Variants in ADGRB3 observed in about 807,000 individuals in gnomAD.
ADGRB3 encodes brain-specific angiogenesis inhibitor 3.
In ADGRB3, 37 loss-of-function variants were observed where a neutral mutation model predicts 193.4. That is an observed-to-expected ratio of 0.19 (90% confidence interval 0.15 to 0.25). The LOEUF (loss-of-function observed/expected upper bound fraction) is 0.25, where lower values mean the gene tolerates loss of function less well. Among genes scored for constraint, ADGRB3 ranks in the 10% least tolerant of loss-of-function variants. ADGRB3 has a pLI of 1.00. For missense variants in ADGRB3, 1,637 were observed against 1,852.9 expected (o/e 0.88, Z 2.14); for synonymous variants, 690 against 644.2 (o/e 1.07, Z -1.08).
In ADGRB3 at chr6:69,361,039, T is replaced by C. The variant is rs375380152; in HGVS notation, c.3766T>C (p.Leu1256=). The C allele has an allele frequency of 1.7e-5, 28 of 1,612,722 alleles. 1 individual carries two copies. In the African/African-American group the frequency reaches 1.9e-4, roughly 11 times the overall value. ...SKVIIQQPTG[L]HMPMSMNELS... Reference sequence around the variant, plus strand: ...AGTCATCATCCAGCAACCCACAGGTTTGCACATGCCCATGAGTATGAATGA... The same window carrying C: ...AGTCATCATCCAGCAACCCACAGGTCTGCACATGCCCATGAGTATGAATGA... The change falls in exon 29 of 32, where the codon TTG becomes CTG. Residue 1256 remains leucine, a synonymous_variant. Coordinates refer to ENST00000370598, the MANE Select transcript of ADGRB3 (RefSeq NM_001704.3).
intron 3 of ADGRB3, among the ~76,000 whole-genome samples, chr6:68,792,206 C>T (rs1767120299): frequency 6.6e-6 from 1 of 152,144 alleles, no homozygotes; most frequent in African/African-American, 2.4e-5. Flanking sequence ...ATGAATTCTG[C>T]AATTCATAAA....
chr6:68,972,966 T>C (rs1319014736), intron 8 of ADGRB3, among the ~76,000 whole-genome samples: 1 of 152,116 alleles, frequency 6.6e-6, no homozygotes, highest in Admixed American at 6.5e-5. Flanking sequence ...ATTGGTAAGG[T>C]TAGGAGGAGA....
chr6:68,636,797 A>G (rs1478346861), intron 1 of ADGRB3, among the ~76,000 whole-genome samples: 1 of 152,172 alleles, frequency 6.6e-6, no homozygotes, highest in Non-Finnish European at 1.5e-5. Context: ...TTCATTAGGA[A>G]AAGACATACG....
At chr6:69,143,745 CTGT>C (rs1774405206) in intron 17 of ADGRB3, among the ~76,000 whole-genome samples, 1 of 152,074 alleles carries the variant, frequency 6.6e-6, no homozygotes, top group Non-Finnish European at 1.5e-5. Flanking sequence ...GTTTATGTGT[CTGT>C]TTTAATACCA....
chr6:69,124,800 T>A (rs1249736865), intron 17 of ADGRB3, among the ~76,000 whole-genome samples: 1 of 152,202 alleles, frequency 6.6e-6, no homozygotes. Flanking sequence ...AAATGTGAAG[T>A]TCTTTTCTTC....
intron 3 of ADGRB3, among the ~76,000 whole-genome samples, chr6:68,884,873 G>A (rs2150226367): frequency 6.6e-6 from 1 of 152,236 alleles, no homozygotes; most frequent in South Asian, 2.1e-4. Context: ...TCTTGAAAAT[G>A]TTTTTTAAAA....
rs544681416 is a variant in ADGRB3 at position 69,053,310 on chromosome 6, A to T, written c.2333+3964A>T. Among the ~76,000 whole-genome samples the T allele has an allele frequency of 3.3e-5, 5 of 152,310 alleles. No homozygotes were observed. In the East Asian group the frequency reaches 9.6e-4, roughly 29 times the overall value. ...TTATCGCTTAGGTGACCTGCCTAAG[A>T]TTATATGTCCATTAGGTAACTGAGT... On this transcript the variant is annotated intron_variant, in intron 15 of 31. Coordinates refer to ENST00000370598, the MANE Select transcript of ADGRB3 (RefSeq NM_001704.3).
chr6:69,043,290 G>GAAAGAAAGAAAGAA (rs1554252052), intron 13 of ADGRB3, among the ~76,000 whole-genome samples: 4 of 88,088 alleles, frequency 4.5e-5, no homozygotes, highest in South Asian at 7.4e-4. Context: ...GGAAGAAAGA[G>GAAAGAAAGAAAGAA]AGAAAGAAAG....
chr6:69,031,037 C>CTTTTCTTTTTTTTT (rs1227663004), intron 13 of ADGRB3, among the ~76,000 whole-genome samples: 1 of 36,560 alleles, frequency 2.7e-5, no homozygotes, highest in African/African-American at 1.4e-4. Flanking sequence ...CTCTTCTCTT[C>CTTTTCTTTTTTTTT]TCTCTTCTCT....
rs182445110 is a variant in ADGRB3, at chr6:68,783,505, A to G, written c.757+144073A>G. Among the ~76,000 whole-genome samples the G allele has an allele frequency of 2.4e-4, 37 of 151,808 alleles. No individual in the cohort carries two copies. The East Asian group carries it at 6.8e-3, about 28-fold the overall frequency. ...GAAATATGAGACTCTCTCTAGGTAA[A>G]CAAAAAGACAAGGGCATAAGGGCAG... On this transcript the variant is annotated intron_variant, in intron 3 of 31. Transcript: ENST00000370598.
chr6:69,141,005 T>G (rs1774321130), intron 17 of ADGRB3, among the ~76,000 whole-genome samples: 1 of 151,682 alleles, frequency 6.6e-6, no homozygotes, highest in Admixed American at 6.6e-5. Context: ...GGGAGAGTAA[T>G]AAGCAGGACA....
intron 14 of ADGRB3, among the ~76,000 whole-genome samples, chr6:69,048,851 A>T (rs1248189326): frequency 6.6e-6 from 1 of 152,158 alleles, no homozygotes; most frequent in Admixed American, 6.5e-5. Flanking sequence ...AGTTTAAAAG[A>T]AAACAAATTT....
At chr6:68,784,987 A>G (rs1041232990) in intron 3 of ADGRB3, among the ~76,000 whole-genome samples, 3 of 152,140 alleles carry the variant, frequency 2.0e-5, no homozygotes, top group Non-Finnish European at 2.9e-5. Flanking sequence ...GTGAATAAAA[A>G]CAAGTAATGG....
chr6:68,715,040 G>T (rs2127318949), intron 3 of ADGRB3, among the ~76,000 whole-genome samples: 1 of 151,862 alleles, frequency 6.6e-6, no homozygotes, highest in South Asian at 2.1e-4. Flanking sequence ...TTACAGCTTT[G>T]CATTAAAAAT....
chr6:68,994,012 T>C (rs1036731167), intron 11 of ADGRB3, 50 bp downstream of exon 11: 2 of 1,573,296 alleles, frequency 1.3e-6, no homozygotes, highest in Admixed American at 1.7e-5. Context: ...ATGCAATCAG[T>C]TTTTGGTCCC....
At chr6:69,170,104 A>G (rs1050908071) in intron 17 of ADGRB3, among the ~76,000 whole-genome samples, 1 of 152,136 alleles carries the variant, frequency 6.6e-6, no homozygotes, top group Non-Finnish European at 1.5e-5. Flanking sequence ...CTTGCTCTCA[A>G]GGGACCCCTG....
intron 3 of ADGRB3, among the ~76,000 whole-genome samples, chr6:68,663,274 T>G (rs1768713741): frequency 6.6e-6 from 1 of 151,618 alleles, no homozygotes; most frequent in Non-Finnish European, 1.5e-5. Context: ...TTAGACCCAT[T>G]TTGAAAAGTT....
At chr6:68,814,478 G>T (rs1293754571) in intron 3 of ADGRB3, among the ~76,000 whole-genome samples, 3 of 152,060 alleles carry the variant, frequency 2.0e-5, no homozygotes, top group East Asian at 1.9e-4. Flanking sequence ...ACTGCAAAAA[G>T]TTTCTCCCAT....
intron 17 of ADGRB3, among the ~76,000 whole-genome samples, chr6:69,148,639 T>A (rs189951504): frequency 1.3e-4 from 20 of 152,274 alleles, no homozygotes; most frequent in African/African-American, 4.3e-4. Flanking sequence ...TTTTGTACCT[T>A]CAGATGATTT....
Sources: gnomAD v4.1 joint callset for allele counts (sites outside exome capture counted in the v4.1 genomes callset) on GRCh38, gnomAD v4.1.1 for gene constraint, MANE v1.5 for transcripts, NCBI Gene and HGNC (gene_info 2026-07-23, HGNC 2026-07-21) for gene names.